The following SPATA9 variants were observed in gnomAD, a reference collection of about 807,000 sequenced individuals.
SPATA9 encodes the protein spermatogenesis associated 9.
SPATA9 carries 27 observed loss-of-function variants against 25.5 expected under a neutral mutation model. That is an observed-to-expected ratio of 1.06 (90% CI 0.78 to 1.46). The LOEUF (loss-of-function observed/expected upper bound fraction) is 1.46. SPATA9 is among the 40% of genes most tolerant of loss of function. SPATA9 has a pLI of 0.00. For missense variants in SPATA9, 282 were observed against 297.5 expected, an observed-to-expected ratio of 0.95 and a Z score of 0.38; for synonymous variants, 102 against 105.7, an observed-to-expected ratio of 0.97 and a Z score of 0.21.
chr5:95,670,336 G>A (rs1020388201), intron 3 of SPATA9: 2 of 152,096 alleles, frequency 1.3e-5, no homozygotes, highest in Non-Finnish European at 1.5e-5. Flanking sequence ...CTATTTCTTT[G>A]TTTCCAAAGG....
At chr5:95,665,472 T>C (rs1356951391) in intron 3 of SPATA9, among the ~76,000 whole-genome samples, 2 of 152,234 alleles carry the variant, frequency 1.3e-5, no homozygotes, top group East Asian at 3.8e-4. Flanking sequence ...GGTGAGATCA[T>C]GTGGTACTTG....
upstream of SPATA9, among the ~76,000 whole-genome samples, chr5:95,683,731 G>A (rs988189452): frequency 3.3e-5 from 5 of 152,084 alleles, no homozygotes; most frequent in Non-Finnish European, 7.4e-5. Context: ...TAGAGACGGG[G>A]TTTCACCGTG....
At chr5:95,709,709 A>T in the SPATA9 span, among the ~76,000 whole-genome samples, 1 of 152,162 alleles carries the variant, frequency 6.6e-6, no homozygotes, top group Non-Finnish European at 1.5e-5. Flanking sequence ...CATCCAGAGA[A>T]GGTGTCTACT....
the SPATA9 span, chr5:95,708,537 A>G: frequency 4.3e-6 from 3 of 694,606 alleles, no homozygotes; most frequent in East Asian, 8.1e-5. Flanking sequence ...CAAATGTCCA[A>G]TCAGGGCAGA....
chr5:95,714,398 A>G, the SPATA9 span, among the ~76,000 whole-genome samples: 43 of 152,326 alleles, frequency 2.8e-4, no homozygotes, highest in Non-Finnish European at 4.4e-4. Flanking sequence ...CATGTAGGAG[A>G]CTGACTGAAC....
At chr5:95,674,439 AG>A (rs1420365030) in intron 3 of SPATA9, among the ~76,000 whole-genome samples, 1 of 152,164 alleles carries the variant, frequency 6.6e-6, no homozygotes, top group African/African-American at 2.4e-5. Flanking sequence ...CTTGGTTTAG[AG>A]GTAAGCACTG....
chr5:95,727,297 G>GA, the SPATA9 span, among the ~76,000 whole-genome samples: 70,709 of 151,864 alleles, frequency 0.47, 17,236 homozygotes, highest in East Asian at 0.92. Context: ...AACATAGTTG[G>GA]AAAAAATCTT....
At chr5:95,723,899 G>C in the SPATA9 span, among the ~76,000 whole-genome samples, 2 of 152,098 alleles carry the variant, frequency 1.3e-5, no homozygotes, top group Non-Finnish European at 2.9e-5. Context: ...GAAAAAATGT[G>C]AGCACACTCC....
chr5:95,683,064 G>C, upstream of SPATA9: 1 of 1,205,960 alleles, frequency 8.3e-7, no homozygotes, highest in Non-Finnish European at 1.0e-6. Context: ...CACTCTGGCA[G>C]TGAGAGGAAG....
downstream of SPATA9, among the ~76,000 whole-genome samples, chr5:95,653,656 T>C (rs984193962): frequency 1.5e-4 from 23 of 152,194 alleles, no homozygotes; most frequent in African/African-American, 5.3e-4. Context: ...CCCAGCACTT[T>C]GGGAGACTGA....
rs114804415 is a variant in SPATA9, at chr5:95,682,452, C to G, written c.150+76G>C. The G allele has an allele frequency of 9.4e-3, 9,717 of 1,037,818 alleles. 87 individuals carry two copies. Among genetic ancestry groups the G allele is most frequent in the South Asian group, 0.015 (911 of 59,090 alleles). The allele number at this position is 1,037,818 out of a possible 1,614,324, so 64.3% of individuals were successfully genotyped here. ...TTTGATCACTGATCTCAAAATCAAG[C>G]ATTAAATAATGGGTATGATACTAAA... is the stretch of plus-strand genomic sequence containing the variant. On this transcript the variant is annotated intron_variant, in intron 2 of 4. Coordinates refer to ENST00000274432, the MANE Select transcript of SPATA9 (RefSeq NM_031952.4).
chr5:95,701,145 A>G (rs1457107814), upstream of SPATA9: 1 of 152,222 alleles, frequency 6.6e-6, no homozygotes, highest in Non-Finnish European at 1.5e-5. Flanking sequence ...CTGAAATTCT[A>G]CAATTCTAGA....
rs531322553 is a variant in SPATA9 at position 95,696,414 on chromosome 5, T to C, written n.124+2174A>G. Among the ~76,000 whole-genome samples the C allele has an allele frequency of 2.6e-5, 4 of 152,342 alleles. No homozygotes were observed. The South Asian group carries it at 8.3e-4, about 32-fold the overall frequency. On this transcript the variant is annotated intron_variant and non_coding_transcript_variant, in intron 1 of 2. Coordinates refer to the SPATA9 transcript ENST00000379990. ...TCAATGTCTAGTACCATAGAAAACATTTGTTTTCTATATCTGCTTCTGAAT... is the reference window on the plus strand; with the variant it reads ...TCAATGTCTAGTACCATAGAAAACACTTGTTTTCTATATCTGCTTCTGAAT...
downstream of SPATA9, among the ~76,000 whole-genome samples, chr5:95,654,737 A>G (rs1386342952): frequency 6.6e-6 from 1 of 152,188 alleles, no homozygotes; most frequent in Non-Finnish European, 1.5e-5. Flanking sequence ...AGGCAGATCT[A>G]TATGGGTATG....
chr5:95,730,273 C>A, the SPATA9 span, among the ~76,000 whole-genome samples: 1 of 152,150 alleles, frequency 6.6e-6, no homozygotes. Context: ...AGAAAAGAAA[C>A]AGTCCAATTT....
intron 1 of SPATA9, among the ~76,000 whole-genome samples, chr5:95,693,293 T>C (rs529882397): frequency 2.6e-5 from 4 of 152,214 alleles, no homozygotes; most frequent in Non-Finnish European, 5.9e-5. Context: ...ACTGCTACAA[T>C]TGAAATATTA....
At position 95,658,525 on chromosome 5, in the gene SPATA9, A is replaced by C; in HGVS notation, c.*98T>G. The C allele has an allele frequency of 2.2e-6, 3 of 1,350,168 alleles. 1 individual carries two copies. Among genetic ancestry groups the C allele is most frequent in the Non-Finnish European group, 2.9e-6 (3 of 1,040,230 alleles). The allele number at this position is 1,350,168 out of a possible 1,614,324, so 83.6% of individuals were successfully genotyped here. On this transcript the variant is annotated 3_prime_UTR_variant, in exon 5 of 5. Transcript: ENST00000274432. ...CCCCTTCTCTTTTTTTTAAGAAAGCAGAGCAATTCAGAATATGTAAACTAG... is the reference window on the plus strand; with the variant it reads ...CCCCTTCTCTTTTTTTTAAGAAAGCCGAGCAATTCAGAATATGTAAACTAG...
chr5:95,685,997 C>T (rs993884783), upstream of SPATA9, among the ~76,000 whole-genome samples: 15 of 152,018 alleles, frequency 9.9e-5, no homozygotes, highest in Non-Finnish European at 1.5e-4. Context: ...CGACCACGCC[C>T]GGCTAATTTT....
At chr5:95,715,537 T>C in the SPATA9 span, among the ~76,000 whole-genome samples, 6 of 152,166 alleles carry the variant, frequency 3.9e-5, no homozygotes, top group Non-Finnish European at 8.8e-5. Flanking sequence ...AGAATATCCA[T>C]GTGGAGAAAA....
Sources: allele counts gnomAD v4.1 joint callset (sites outside exome capture counted in the v4.1 genomes callset), GRCh38; gene constraint gnomAD v4.1.1; transcripts MANE v1.5; gene names NCBI Gene and HGNC (gene_info 2026-07-23, HGNC 2026-07-21).